PTPRG: variants seen among roughly 807,000 people sequenced by gnomAD.
PTPRG encodes the protein receptor-type tyrosine-protein phosphatase gamma.
A neutral mutation model predicts 165.3 loss-of-function variants in PTPRG; 102 were observed. The observed-to-expected ratio is 0.62, with a 90% CI of 0.53 to 0.73. PTPRG has a LOEUF of 0.73. Ranked by LOEUF, PTPRG falls within the 30% of genes least tolerant of loss-of-function variation. The pLI is 0.00. For synonymous variants in PTPRG, 675 were observed against 669.5 expected (o/e 1.01, Z -0.13); for missense variants, 1,866 against 1,861.4 (o/e 1.00, Z -0.05).
At chr3:61,587,551 A>G (rs756222546) in intron 1 of PTPRG, among the ~76,000 whole-genome samples, 1 of 152,230 alleles carries the variant, frequency 6.6e-6, no homozygotes, top group African/African-American at 2.4e-5. Context: ...ACCAACTCAG[A>G]TACATTCTGT....
chr3:61,739,870 C>T (rs1187618015), intron 1 of PTPRG, among the ~76,000 whole-genome samples: 1 of 152,192 alleles, frequency 6.6e-6, no homozygotes, highest in Non-Finnish European at 1.5e-5. Context: ...GAGCTACTTG[C>T]TATTCACATA....
At chr3:62,230,220 A>C (rs1439522856) in intron 13 of PTPRG, among the ~76,000 whole-genome samples, 1 of 152,228 alleles carries the variant, frequency 6.6e-6, no homozygotes, top group Non-Finnish European at 1.5e-5. Context: ...TAATTAATAC[A>C]ATCATTGAAA....
At position 62,071,510 on chromosome 3, in the gene PTPRG, A is replaced by T. The variant is rs569221083; in HGVS notation, c.520-6653A>T. Among the ~76,000 whole-genome samples, 11 of 152,252 alleles carry T rather than the reference A, an allele frequency of 7.2e-5. No homozygotes were observed. The South Asian group carries it at 2.1e-3, about 29-fold the overall frequency. On this transcript the variant is annotated intron_variant, in intron 4 of 29. Transcript: ENST00000474889. ...TAGATGCCTCACTTGACCATGAGCC[A>T]CTCATTGCCTTATGCTTTTATTTCG...
At chr3:61,565,354 A>T (rs1699884790) in intron 1 of PTPRG, among the ~76,000 whole-genome samples, 1 of 152,214 alleles carries the variant, frequency 6.6e-6, no homozygotes, top group Non-Finnish European at 1.5e-5. Flanking sequence ...ACATCTTTAT[A>T]AAGCACTGTA....
At chr3:61,577,654 C>T (rs189973453) in intron 1 of PTPRG, among the ~76,000 whole-genome samples, 1 of 152,278 alleles carries the variant, frequency 6.6e-6, no homozygotes, top group African/African-American at 2.4e-5. Context: ...TTTTAAATTA[C>T]ACATGTGGCT....
intron 2 of PTPRG, among the ~76,000 whole-genome samples, chr3:61,802,753 A>G (rs1038825944): frequency 6.6e-6 from 1 of 152,198 alleles, no homozygotes; most frequent in Non-Finnish European, 1.5e-5. Flanking sequence ...GCTCTGCAGC[A>G]GGAGTGCTTG....
At chr3:61,990,191 C>A (rs1278095064) in intron 3 of PTPRG, among the ~76,000 whole-genome samples, 1 of 151,490 alleles carries the variant, frequency 6.6e-6, no homozygotes, top group Non-Finnish European at 1.5e-5. Flanking sequence ...AAATTTGGTC[C>A]CTCAGTTGTA....
chr3:62,191,170 C>A (rs72878111), intron 8 of PTPRG, among the ~76,000 whole-genome samples: 6,192 of 150,006 alleles, frequency 0.041, 290 homozygotes, highest in Middle Eastern at 0.12. Context: ...GCGCATGTGC[C>A]TCTGTGCCCC....
At chr3:61,718,031 T>C (rs1420260517) in intron 1 of PTPRG, among the ~76,000 whole-genome samples, 2 of 150,672 alleles carry the variant, frequency 1.3e-5, no homozygotes, top group African/African-American at 2.4e-5. Context: ...AATAAAAAAA[T>C]TAGCCGGGCA....
chr3:62,173,751 T>TC (rs74980186), intron 8 of PTPRG, among the ~76,000 whole-genome samples: 13,627 of 152,178 alleles, frequency 0.09, 866 homozygotes, highest in East Asian at 0.35. Flanking sequence ...CCTCCTCTGT[T>TC]CCCTGGTTAT....
chr3:62,156,107 T>G (rs1379094810), intron 6 of PTPRG, among the ~76,000 whole-genome samples: 1 of 152,276 alleles, frequency 6.6e-6, no homozygotes, highest in East Asian at 1.9e-4. Flanking sequence ...GATATTTTCC[T>G]CATCTTCTCT....
rs561817608 is a variant in PTPRG at position 61,727,402 on chromosome 3, C to A, written c.86-21476C>A. ...AACTCCTAACCTCAGGTGGTATGCC[C>A]AGCTCAGCCTGGGATTTGGGATTAT... is the stretch of plus-strand genomic sequence containing the variant. On this transcript the variant is annotated intron_variant, in intron 1 of 29. Coordinates refer to ENST00000474889, the MANE Select transcript of PTPRG (RefSeq NM_002841.4). Among the ~76,000 whole-genome samples, 3 of 152,146 alleles carry A rather than the reference C, an allele frequency of 2.0e-5. No individual in the cohort carries two copies. In the East Asian group the frequency reaches 5.8e-4, roughly 29 times the overall value.
At chr3:61,604,979 G>A (rs1700962798) in intron 1 of PTPRG, among the ~76,000 whole-genome samples, 1 of 152,170 alleles carries the variant, frequency 6.6e-6, no homozygotes, top group Non-Finnish European at 1.5e-5. Flanking sequence ...TGTACACAGA[G>A]CTGGTAAAGG....
At chr3:62,202,069 C>G (rs1203923414) in intron 11 of PTPRG, among the ~76,000 whole-genome samples, 1 of 152,170 alleles carries the variant, frequency 6.6e-6, no homozygotes, top group Non-Finnish European at 1.5e-5. Flanking sequence ...ATTTTATTTA[C>G]TTCTCCAGGC....
At chr3:61,589,674 C>T (rs113459070) in intron 1 of PTPRG, among the ~76,000 whole-genome samples, 1 of 152,088 alleles carries the variant, frequency 6.6e-6, no homozygotes, top group African/African-American at 2.4e-5. Flanking sequence ...GACTGGTCTG[C>T]GTGTCAGGAT....
At chr3:61,825,005 T>C (rs548886012) in intron 2 of PTPRG, among the ~76,000 whole-genome samples, 1 of 152,312 alleles carries the variant, frequency 6.6e-6, no homozygotes, top group African/African-American at 2.4e-5. Context: ...CCATCAGATG[T>C]GGGCAGTGCA....
chr3:61,570,881 CTCTG>C (rs937248115), intron 1 of PTPRG, among the ~76,000 whole-genome samples: 1 of 152,132 alleles, frequency 6.6e-6, no homozygotes, highest in Non-Finnish European at 1.5e-5. Flanking sequence ...GGAGGCTTAG[CTCTG>C]TCTGTGGGTA....
intron 2 of PTPRG, among the ~76,000 whole-genome samples, chr3:61,888,156 C>G (rs1172454912): frequency 1.3e-5 from 2 of 151,964 alleles, no homozygotes; most frequent in Non-Finnish European, 2.9e-5. Flanking sequence ...AGTACAAAAA[C>G]CGTCTGTATA....
intron 2 of PTPRG, among the ~76,000 whole-genome samples, chr3:61,919,446 A>G (rs1424014088): frequency 2.0e-5 from 3 of 152,332 alleles, no homozygotes; most frequent in East Asian, 1.9e-4. Flanking sequence ...GTGCATCTCT[A>G]TGCCTTAGGT....
Sources: allele counts gnomAD v4.1 joint callset (sites outside exome capture counted in the v4.1 genomes callset), GRCh38; gene constraint gnomAD v4.1.1; transcripts MANE v1.5; gene names NCBI Gene and HGNC (gene_info 2026-07-23, HGNC 2026-07-21).